ADGRL3: variants seen among roughly 807,000 people sequenced by gnomAD.
ADGRL3 encodes adhesion G protein-coupled receptor L3.
Under a neutral mutation model 153.5 loss-of-function variants are expected in ADGRL3, and 62 were observed. The ratio of observed to expected loss-of-function variants is 0.40; its 90% CI spans 0.33 to 0.50. The LOEUF (loss-of-function observed/expected upper bound fraction) is 0.50, where lower values mean the gene tolerates loss of function less well. ADGRL3 is among the 20% of genes least tolerant of loss of function. The pLI is 0.47. For missense variants in ADGRL3, 1,641 were observed against 1,859.4 expected, an observed-to-expected ratio of 0.88 and a Z score of 2.16; for synonymous variants, 710 against 672.5, an observed-to-expected ratio of 1.06 and a Z score of -0.86.
At chr4:61,208,062 C>CTTTAAAG (rs1738159735) in intron 1 of ADGRL3, among the ~76,000 whole-genome samples, 1 of 152,072 alleles carries the variant, frequency 6.6e-6, no homozygotes, top group Non-Finnish European at 1.5e-5. Flanking sequence ...TTTTTTGTCC[C>CTTTAAAG]CATTTAGTGA....
chr4:61,777,262 G>C (rs149518775), intron 8 of ADGRL3, among the ~76,000 whole-genome samples: 194 of 152,208 alleles, frequency 1.3e-3, no homozygotes, highest in African/African-American at 4.5e-3. Context: ...GAACCTGCGA[G>C]GCGGAGCTTT....
chr4:61,743,384 G>A (rs772713025), intron 8 of ADGRL3, among the ~76,000 whole-genome samples: 63 of 150,898 alleles, frequency 4.2e-4, no homozygotes, highest in Non-Finnish European at 1.6e-4. Flanking sequence ...ACATACAGGA[G>A]TAAGTGAAGA....
chr4:61,720,474 T>G lies in ADGRL3; in HGVS notation c.584-10148T>G, dbSNP rs575766353. ...GTTTGTTGAAATCACAATCATATTT[T>G]TATTAAGAGCAGGCCATAAAGTAAT... On this transcript the variant is annotated intron_variant, in intron 6 of 26. Coordinates refer to ENST00000683033, the MANE Select transcript of ADGRL3 (RefSeq NM_001387552.1). Among the ~76,000 whole-genome samples, 4 of 152,344 alleles carry G rather than the reference T, an allele frequency of 2.6e-5. No individual in the cohort carries two copies. In the East Asian group the frequency reaches 7.7e-4, roughly 29 times the overall value.
At chr4:62,042,750 A>C (rs2151655066) in intron 24 of ADGRL3, among the ~76,000 whole-genome samples, 1 of 152,218 alleles carries the variant, frequency 6.6e-6, no homozygotes, top group South Asian at 2.1e-4. Flanking sequence ...TATAATTGGT[A>C]AAAATCTTTA....
chr4:61,845,183 A>G (rs976731530), intron 9 of ADGRL3, among the ~76,000 whole-genome samples: 59 of 152,138 alleles, frequency 3.9e-4, no homozygotes, highest in Non-Finnish European at 6.0e-4. Context: ...TTGATTCACA[A>G]AATGTTTTGG....
intron 1 of ADGRL3, among the ~76,000 whole-genome samples, chr4:61,241,511 T>G (rs1754952673): frequency 6.6e-6 from 1 of 152,064 alleles, no homozygotes; most frequent in South Asian, 2.1e-4. Context: ...AAAGATTACT[T>G]ATTTTTAGGC....
chr4:61,856,823 C>A (rs531842886), intron 9 of ADGRL3, among the ~76,000 whole-genome samples: 1 of 151,270 alleles, frequency 6.6e-6, no homozygotes, highest in African/African-American at 2.4e-5. Context: ...AGATTGGTCT[C>A]GAACTCCTGA....
chr4:62,033,242 A>G (rs1014090401), intron 23 of ADGRL3, among the ~76,000 whole-genome samples: 25 of 151,658 alleles, frequency 1.6e-4, no homozygotes, highest in Non-Finnish European at 3.1e-4. Flanking sequence ...AGTGGTTCAC[A>G]TGGCTTCTAC....
chr4:61,232,377 C>T (rs961879967), intron 1 of ADGRL3, among the ~76,000 whole-genome samples: 4 of 147,638 alleles, frequency 2.7e-5, no homozygotes, highest in Admixed American at 6.7e-5. Context: ...GGTGTGATCT[C>T]GGCTCACTGC....
chr4:61,411,625 A>G (rs1004231044), intron 2 of ADGRL3, among the ~76,000 whole-genome samples: 1 of 152,128 alleles, frequency 6.6e-6, no homozygotes, highest in African/African-American at 2.4e-5. Context: ...TTTACATACA[A>G]TTTTGACTAA....
At chr4:61,373,260 C>A (rs2151773278) in intron 1 of ADGRL3, among the ~76,000 whole-genome samples, 1 of 152,250 alleles carries the variant, frequency 6.6e-6, no homozygotes, top group South Asian at 2.1e-4. Context: ...AACTCTGTCG[C>A]TTTTTCTAAA....
chr4:61,819,156 CTCTATA>C (rs1414765738), intron 9 of ADGRL3, among the ~76,000 whole-genome samples: 9 of 152,140 alleles, frequency 5.9e-5, no homozygotes, highest in Admixed American at 6.5e-5. Flanking sequence ...GTACATACAT[CTCTATA>C]TCTATCTGCT....
At chr4:62,052,609 A>G (rs1266875948) in intron 25 of ADGRL3, among the ~76,000 whole-genome samples, 7 of 151,392 alleles carry the variant, frequency 4.6e-5, no homozygotes, top group East Asian at 1.9e-4. Context: ...GAAGAATTTC[A>G]TTGTCATTCT....
chr4:61,389,651 A>G (rs2096779923), intron 2 of ADGRL3, among the ~76,000 whole-genome samples: 1 of 152,124 alleles, frequency 6.6e-6, no homozygotes, highest in South Asian at 2.1e-4. Context: ...TTTTCTAATT[A>G]ATTTCAAAAC....
chr4:61,538,601 G>A (rs781665663), intron 4 of ADGRL3, among the ~76,000 whole-genome samples: 18 of 152,024 alleles, frequency 1.2e-4, no homozygotes, highest in Admixed American at 2.0e-4. Flanking sequence ...CACCACGCCC[G>A]GCTAATTTTT....
chr4:61,291,218 G>GCGCACACA (rs1553895046), intron 1 of ADGRL3, among the ~76,000 whole-genome samples: 59 of 134,084 alleles, frequency 4.4e-4, no homozygotes, highest in Middle Eastern at 3.8e-3. Flanking sequence ...ACACACACAC[G>GCGCACACA]CACACACACA....
At chr4:61,993,561 G>A (rs1489653510) in intron 19 of ADGRL3, among the ~76,000 whole-genome samples, 2 of 151,728 alleles carry the variant, frequency 1.3e-5, no homozygotes, top group Non-Finnish European at 2.9e-5. Context: ...CAAAGTGTTG[G>A]GATTACAAGC....
chr4:61,811,356 T>G (rs1418032498), intron 8 of ADGRL3, among the ~76,000 whole-genome samples: 2 of 152,022 alleles, frequency 1.3e-5, no homozygotes, highest in African/African-American at 4.8e-5. Context: ...TTAATTATGT[T>G]GAGTAAAAGA....
chr4:61,415,599 AT>A (rs2097135861), intron 2 of ADGRL3, among the ~76,000 whole-genome samples: 1 of 152,060 alleles, frequency 6.6e-6, no homozygotes, highest in Non-Finnish European at 1.5e-5. Flanking sequence ...TTCTAAGTTA[AT>A]TTATGTTAAC....
Sources: gnomAD v4.1 joint callset for allele counts (sites outside exome capture counted in the v4.1 genomes callset) on GRCh38, gnomAD v4.1.1 for gene constraint, MANE v1.5 for transcripts, NCBI Gene and HGNC (gene_info 2026-07-23, HGNC 2026-07-21) for gene names.